The following EPHB2 variants were observed in gnomAD, a reference collection of about 807,000 sequenced individuals.
EPHB2 encodes EPH receptor B2.
Under a neutral mutation model 96.4 loss-of-function variants are expected in EPHB2, and 18 were observed. The observed-to-expected ratio is 0.19, with a 90% CI of 0.13 to 0.28. The LOEUF (loss-of-function observed/expected upper bound fraction) is 0.28, where lower values mean the gene tolerates loss of function less well. Among genes scored for constraint, EPHB2 ranks in the 10% least tolerant of loss-of-function variants. EPHB2 has a pLI of 1.00. For missense variants in EPHB2, 989 were observed against 1,355.4 expected (o/e 0.73, Z 4.25); for synonymous variants, 506 against 534.1 (o/e 0.95, Z 0.72).
intron 1 of EPHB2, among the ~76,000 whole-genome samples, chr1:22,779,744 G>A (rs1004691201): frequency 6.6e-6 from 1 of 152,202 alleles, no homozygotes; most frequent in Non-Finnish European, 1.5e-5. Context: ...CAGTTGCCCT[G>A]TCTCCAAAAG....
intron 6 of EPHB2, among the ~76,000 whole-genome samples, chr1:22,885,561 T>C (rs189563164): frequency 1.3e-5 from 2 of 152,252 alleles, no homozygotes; most frequent in African/African-American, 2.4e-5. Context: ...CACCACATGG[T>C]TCTTCACCCC....
chr1:22,761,318 C>T (rs756625826), intron 1 of EPHB2, among the ~76,000 whole-genome samples: 13 of 152,192 alleles, frequency 8.5e-5, no homozygotes, highest in Admixed American at 1.3e-4. Flanking sequence ...GCAGTGGTCG[C>T]GGAGAGCGGG....
Position 22,913,508 on chromosome 1 carries a change from A to G in EPHB2, c.2899A>G (p.Ile967Val), listed in dbSNP as rs1640176513. 1.2e-6 allele frequency: 2 copies of G among 1,614,102 alleles called. No individual in the cohort carries two copies. The highest frequency in any genetic ancestry group is 1.7e-6 in the Non-Finnish European group (2 of 1,180,056). ...CACTTTGGCTGGCCACCAGAAAAAA[A>G]TCCTGAACAGTATCCAGGTGATGCG... ...GVTLAGHQKK[I>V]LNSIQVMRAQ... The change falls in exon 16 of 16, where the codon ATC becomes GTC. Residue 967 changes from isoleucine (I) to valine (V), a missense_variant. By Grantham distance (29) the Ile-to-Val change is conservative. Transcript: ENST00000374630. This position sits in a 1 kb window ranked among gnomAD's most constrained non-coding sequence, Gnocchi z 4.1.
At chr1:22,722,954 G>C (rs1378457423) in intron 1 of EPHB2, among the ~76,000 whole-genome samples, 1 of 152,242 alleles carries the variant, frequency 6.6e-6, no homozygotes, top group Non-Finnish European at 1.5e-5. Flanking sequence ...GATCCGGATA[G>C]GAGGCCCGTG....
rs377064328 is a variant in EPHB2, at chr1:22,738,031, C to T, written c.61+26988C>T. 2.3e-4 allele frequency among the ~76,000 whole-genome samples: 35 copies of T among 152,294 alleles called. 1 individual carries two copies. The highest frequency in any genetic ancestry group is 1.5e-3 in the Admixed American group (23 of 15,298). ...CCTCGCAGAGGTCTTGGAGTTCATG[C>T]TCTACCTTGAGGCAAGACCTGGTCA... On this transcript the variant is annotated intron_variant, in intron 1 of 15. Transcript: ENST00000374630.
intron 1 of EPHB2, among the ~76,000 whole-genome samples, chr1:22,756,745 T>G (rs1289779407): frequency 6.6e-6 from 1 of 152,164 alleles, no homozygotes; most frequent in Non-Finnish European, 1.5e-5. Flanking sequence ...CTGCCTCAGT[T>G]TCTCCTCACA....
intron 3 of EPHB2, among the ~76,000 whole-genome samples, chr1:22,815,475 C>G (rs1645062319): frequency 6.6e-6 from 1 of 152,346 alleles, no homozygotes; most frequent in South Asian, 2.1e-4. Flanking sequence ...TCCAGGCCAC[C>G]ATGAAGCTTC....
At chr1:22,788,188 G>A (rs1644638665) in intron 3 of EPHB2, among the ~76,000 whole-genome samples, 1 of 152,206 alleles carries the variant, frequency 6.6e-6, no homozygotes, top group South Asian at 2.1e-4. Context: ...CCATGTTAGA[G>A]GCTGCCTGGC....
intron 1 of EPHB2, among the ~76,000 whole-genome samples, chr1:22,757,057 A>G (rs534998228): frequency 1.6e-4 from 24 of 152,186 alleles, no homozygotes; most frequent in Non-Finnish European, 2.9e-4. Flanking sequence ...TTGTTTCAAT[A>G]TCTTGTAAGC....
intron 2 of EPHB2, among the ~76,000 whole-genome samples, chr1:22,782,291 G>C (rs1644544327): frequency 6.6e-6 from 1 of 152,158 alleles, no homozygotes; most frequent in Non-Finnish European, 1.5e-5. Flanking sequence ...GGCATAGATT[G>C]GGCTCCCAGT....
chr1:22,848,271 C>T (rs1295169074), intron 3 of EPHB2, among the ~76,000 whole-genome samples: 1 of 152,166 alleles, frequency 6.6e-6, no homozygotes, highest in East Asian at 1.9e-4. Flanking sequence ...GCCTCCAGAA[C>T]TCTGCTGTGT....
intron 5 of EPHB2, among the ~76,000 whole-genome samples, chr1:22,871,854 A>G (rs1040178201): frequency 2.0e-5 from 3 of 152,078 alleles, no homozygotes; most frequent in African/African-American, 2.4e-5. Context: ...CATCTCTACT[A>G]AAATTACAAA....
At chr1:22,899,548 G>A (rs1045055819) in intron 9 of EPHB2, among the ~76,000 whole-genome samples, 2 of 152,102 alleles carry the variant, frequency 1.3e-5, no homozygotes, top group Non-Finnish European at 2.9e-5. Context: ...AACTAGTTAA[G>A]CCATTAAAAT....
intron 1 of EPHB2, among the ~76,000 whole-genome samples, chr1:22,773,503 A>G (rs1341407810): frequency 2.6e-5 from 4 of 152,350 alleles, no homozygotes; most frequent in Admixed American, 1.3e-4. Flanking sequence ...GCTACAGGCC[A>G]CTGGTCAGTC....
At chr1:22,882,586 G>C (rs1639086026) in intron 6 of EPHB2, 103 bp downstream of exon 6, 1 of 1,566,572 alleles carries the variant, frequency 6.4e-7, no homozygotes, top group African/African-American at 1.4e-5. Flanking sequence ...GAGACGCACT[G>C]GTGCAGCAGA....
Position 22,860,205 on chromosome 1 carries a change from G to A in EPHB2, c.812-2832G>A, listed in dbSNP as rs1645772453. On this transcript the variant is annotated intron_variant, in intron 3 of 15. Coordinates refer to ENST00000374630, the MANE Select transcript of EPHB2 (RefSeq NM_017449.5). This position sits in a 1 kb window ranked among gnomAD's most constrained non-coding sequence, Gnocchi z 4.6. ...GAGCTAGTTTGGAGAGTGGGTGGGT[G>A]GGAGGAGGCCAGATGGCGTGAGAGG... is the stretch of plus-strand genomic sequence containing the variant. Among the ~76,000 whole-genome samples the A allele has an allele frequency of 6.6e-6, 1 of 152,174 alleles. No individual in the cohort carries two copies. The highest frequency in any genetic ancestry group is 2.1e-4 in the South Asian group (1 of 4,828).
intron 1 of EPHB2, among the ~76,000 whole-genome samples, chr1:22,735,158 C>T (rs958863328): frequency 1.3e-5 from 2 of 152,110 alleles, no homozygotes; most frequent in African/African-American, 4.8e-5. Context: ...TACGGTGGCT[C>T]ACTCCTATAA....
chr1:22,891,171 A>G (rs769640091), intron 6 of EPHB2: 3 of 456,082 alleles, frequency 6.6e-6, no homozygotes, highest in South Asian at 4.6e-5. Context: ...AAGGTCACAG[A>G]GGTCATATAT....
At chr1:22,894,692 A>C (rs1195390877) in intron 7 of EPHB2, among the ~76,000 whole-genome samples, 1 of 152,126 alleles carries the variant, frequency 6.6e-6, no homozygotes, top group Non-Finnish European at 1.5e-5. Flanking sequence ...GCTAATGCCA[A>C]GTGTATCTTC....
Sources: allele counts gnomAD v4.1 joint callset (sites outside exome capture counted in the v4.1 genomes callset), GRCh38; gene constraint gnomAD v4.1.1; non-coding constraint Gnocchi (gnomAD v3.1); transcripts MANE v1.5; gene names NCBI Gene and HGNC (gene_info 2026-07-23, HGNC 2026-07-21).